The following DZIP1L variants were observed in gnomAD, a reference collection of about 807,000 sequenced individuals.
The protein encoded by DZIP1L is DAZ interacting zinc finger protein 1 like.
Under a neutral mutation model 88.7 loss-of-function variants are expected in DZIP1L, and 90 were observed. That is an observed-to-expected ratio of 1.02 (90% CI 0.86 to 1.21). DZIP1L has a LOEUF of 1.21. Ranked by LOEUF, DZIP1L falls within the 50% of genes most tolerant of loss-of-function variation. DZIP1L has a pLI of 0.00. For missense variants in DZIP1L, 932 were observed against 955.8 expected (o/e 0.98, Z 0.33); for synonymous variants, 363 against 372.1 (o/e 0.98, Z 0.28).
At chr3:138,064,846 C>G (rs1233679632) in intron 14 of DZIP1L, 79 bp from the exon 15 acceptor site, 5 of 1,521,776 alleles carry the variant, frequency 3.3e-6, no homozygotes, top group African/African-American at 1.4e-5. Flanking sequence ...CATGTCCAGG[C>G]TCCAGTGTGG....
At chr3:138,112,950 A>G (rs994023157) in intron 1 of DZIP1L, among the ~76,000 whole-genome samples, 26 of 152,230 alleles carry the variant, frequency 1.7e-4, no homozygotes, top group African/African-American at 6.3e-4. Flanking sequence ...TCGTCTCAAA[A>G]AAAAAGAGAG....
At position 138,062,868 on chromosome 3, in the gene DZIP1L, T is replaced by C. The variant is rs1942753487; in HGVS notation, c.2252A>G (p.Lys751Arg). The C allele has an allele frequency of 1.9e-6, 3 of 1,614,190 alleles. No individual in the cohort carries two copies. The East Asian group carries it at 6.7e-5, about 36-fold the overall frequency. ...KPLSRSKLPEKFGTGPQSSGQ... is the reference protein window; with the variant it reads ...KPLSRSKLPERFGTGPQSSGQ... ...AGAGCTCTGTGGACCAGTGCCAAACTTCTCTGGGAGCTTTGAGCGAGACAA... is the reference window on the plus strand; with the variant it reads ...AGAGCTCTGTGGACCAGTGCCAAACCTCTCTGGGAGCTTTGAGCGAGACAA... Residue 751 changes from lysine to arginine, a missense_variant, in exon 16 of 16, where the codon AAG (lysine) becomes AGG (arginine). Lys to Arg is a conservative substitution (Grantham distance 26). Transcript: ENST00000327532.
At chr3:138,101,680 C>A in intron 2 of DZIP1L, 1 of 800,810 alleles carries the variant, frequency 1.2e-6, no homozygotes. Flanking sequence ...ACCTGCATAG[C>A]CGCTGGTGGT....
chr3:138,080,582 C>A lies in DZIP1L; in HGVS notation c.1273G>T (p.Asp425Tyr). The A allele has an allele frequency of 6.2e-7, 1 of 1,613,900 alleles. No individual in the cohort carries two copies. Among genetic ancestry groups the A allele is most frequent in the South Asian group, 1.1e-5 (1 of 91,058 alleles). ...KVPKAVDTEE[D>Y]SPEEEMEDSQ... ...AAGGTCCCACCTTCCTCTGGAGAGT[C>A]CTCCTCTGTGTCCACAGCCTTTGGC... Residue 425 changes from aspartate to tyrosine, a missense_variant, in exon 10 of 16, where the codon GAC (aspartate) becomes TAC (tyrosine). Coordinates refer to ENST00000327532, the MANE Select transcript of DZIP1L (RefSeq NM_173543.3).
chr3:138,077,748 G>A, intron 10 of DZIP1L, 116 bp from the exon 11 acceptor site: 1 of 1,451,860 alleles, frequency 6.9e-7, no homozygotes, highest in Non-Finnish European at 9.3e-7. Context: ...GTTAACTCAG[G>A]ACTTGGAGAT....
chr3:138,064,601 G>T, intron 15 of DZIP1L, 27 bp downstream of exon 15: 1 of 1,614,116 alleles, frequency 6.2e-7, no homozygotes, highest in East Asian at 2.2e-5. Flanking sequence ...GAATTCCAGA[G>T]TAAACTCTAA....
At chr3:138,093,164 G>C (rs776482576) in intron 4 of DZIP1L, among the ~76,000 whole-genome samples, 7 of 152,190 alleles carry the variant, frequency 4.6e-5, no homozygotes, top group Non-Finnish European at 7.3e-5. Context: ...ATTACTCCTT[G>C]ATACATGGGC....
At chr3:138,084,060 A>G in intron 8 of DZIP1L, 53 bp downstream of exon 8, 1 of 1,591,502 alleles carries the variant, frequency 6.3e-7, no homozygotes, top group East Asian at 2.2e-5. Flanking sequence ...AGATCCTCAC[A>G]GGAAAGAGGC....
chr3:138,095,244 G>A (rs1319998043), intron 3 of DZIP1L, among the ~76,000 whole-genome samples: 2 of 152,118 alleles, frequency 1.3e-5, no homozygotes, highest in East Asian at 1.9e-4. Context: ...TGTCTGGCAC[G>A]ACAGCTCAAA....
intron 1 of DZIP1L, among the ~76,000 whole-genome samples, chr3:138,114,674 G>A (rs1559870953): frequency 6.6e-6 from 1 of 152,104 alleles, no homozygotes; most frequent in Non-Finnish European, 1.5e-5. Flanking sequence ...GACCAGGCAG[G>A]GGCAGCCTAG....
chr3:138,079,232 T>C (rs893778236), intron 10 of DZIP1L, among the ~76,000 whole-genome samples: 10 of 152,210 alleles, frequency 6.6e-5, no homozygotes, highest in East Asian at 3.9e-4. Context: ...GCTCCTCCTC[T>C]CTAGAACCCT....
intron 14 of DZIP1L, among the ~76,000 whole-genome samples, 174 bp downstream of exon 14, chr3:138,067,357 A>C (rs1206487778): frequency 6.6e-6 from 1 of 152,250 alleles, no homozygotes; most frequent in African/African-American, 2.4e-5. Flanking sequence ...GCTATCCCAC[A>C]AAAAAATATC....
chr3:138,101,903 G>T (rs1368347091), intron 2 of DZIP1L: 2 of 1,447,518 alleles, frequency 1.4e-6, no homozygotes, highest in East Asian at 2.3e-5. Flanking sequence ...TTAATGGCCA[G>T]CTCCCCACGT....
chr3:138,095,057 A>G, intron 3 of DZIP1L, 74 bp from the exon 4 acceptor site: 1 of 1,604,488 alleles, frequency 6.2e-7, no homozygotes, highest in Non-Finnish European at 8.5e-7. Context: ...TCACCTTGTC[A>G]ATCAGCCATA....
chr3:138,084,945 G>A (rs996785002), intron 7 of DZIP1L, among the ~76,000 whole-genome samples: 9 of 152,082 alleles, frequency 5.9e-5, no homozygotes, highest in Admixed American at 1.3e-4. Context: ...GCAGATATGC[G>A]GCATTATTTC....
At chr3:138,105,922 G>C (rs1249060340) in intron 1 of DZIP1L, among the ~76,000 whole-genome samples, 1 of 152,052 alleles carries the variant, frequency 6.6e-6, no homozygotes, top group East Asian at 1.9e-4. Context: ...AGTGAAAATA[G>C]AGATTACAGG....
At chr3:138,084,285 TG>T in intron 7 of DZIP1L, 32 bp from the exon 8 acceptor site, 1 of 1,608,156 alleles carries the variant, frequency 6.2e-7, no homozygotes, top group Non-Finnish European at 8.5e-7. Context: ...GTCAGTCAAA[TG>T]TCTGCAGGGA....
chr3:138,082,910 T>C (rs534642855), intron 8 of DZIP1L, among the ~76,000 whole-genome samples: 1 of 152,196 alleles, frequency 6.6e-6, no homozygotes, highest in Non-Finnish European at 1.5e-5. Flanking sequence ...AGTAGTCTGC[T>C]TGCAACATGA....
intron 2 of DZIP1L, chr3:138,102,430 G>T: frequency 7.0e-7 from 1 of 1,428,660 alleles, no homozygotes. Context: ...GCCAAGCTCT[G>T]CCTTCAGCTT....
Sources: allele counts gnomAD v4.1 joint callset (sites outside exome capture counted in the v4.1 genomes callset), GRCh38; gene constraint gnomAD v4.1.1; transcripts MANE v1.5; gene names NCBI Gene and HGNC (gene_info 2026-07-23, HGNC 2026-07-21).